Variants in DCTN1 observed in about 807,000 individuals in gnomAD.
DCTN1 encodes 150 kDa dynein-associated polypeptide.
A neutral mutation model predicts 161.2 loss-of-function variants in DCTN1; 61 were observed. The ratio of observed to expected loss-of-function variants is 0.38; its 90% CI spans 0.31 to 0.47. The LOEUF (loss-of-function observed/expected upper bound fraction) is 0.47. DCTN1 is among the 20% of genes least tolerant of loss of function. The pLI is 0.99. For missense variants in DCTN1, 1,404 were observed against 1,623.7 expected (o/e 0.86, Z 2.33); for synonymous variants, 653 against 632.4 (o/e 1.03, Z -0.49).
At chr2:74,367,173 T>G in intron 19 of DCTN1, 66 bp from the exon 20 acceptor site, 1 of 1,595,504 alleles carries the variant, frequency 6.3e-7, no homozygotes. Flanking sequence ...TCAACATCTC[T>G]AAGAAGTCCC....
Position 74,361,574 on chromosome 2 carries a change from A to G in DCTN1, c.3762T>C (p.Ala1254=). 6.2e-7 allele frequency: 1 copy of G among 1,614,140 alleles called. No homozygotes were observed. The highest frequency in any genetic ancestry group is 8.5e-7 in the Non-Finnish European group (1 of 1,180,010). ...YMGKVTFSCA[A]GFGQRHRLVL... ...CCAGCCGGTGTCGCTGTCCAAAACC[A>G]GCCGCACATGAGAAGGTCACTTTGC... Residue 1254 remains alanine (A), a synonymous_variant, in exon 32 of 32, where the codon GCT becomes GCC. Coordinates refer to ENST00000628224, the MANE Select transcript of DCTN1 (RefSeq NM_004082.5).
chr2:74,371,118 C>T lies in DCTN1; in HGVS notation c.704G>A (p.Arg235Lys). Reference sequence around the variant, plus strand: ...TGCTTTGTCTTCTGCCCGTTTCAGTCTCAGGGTCTCTAGTTTCTCCTCCAG... The same window carrying T: ...TGCTTTGTCTTCTGCCCGTTTCAGTTTCAGGGTCTCTAGTTTCTCCTCCAG... ...RDLEEKLETL[R>K]LKRAEDKAKL... Residue 235 changes from arginine to lysine, a missense_variant, in exon 9 of 32, where the codon AGA becomes AAA. By Grantham distance (26) the Arg-to-Lys change is conservative (BLOSUM62 2). This residue lies in a region of DCTN1 where 67 missense variants were observed against 116.3 expected (regional missense o/e 0.58). Transcript: ENST00000628224. 2 of 1,614,196 alleles carry T rather than the reference C, an allele frequency of 1.2e-6. No individual in the cohort carries two copies. Among genetic ancestry groups the T allele is most frequent in the Non-Finnish European group, 1.7e-6 (2 of 1,180,052 alleles).
At chr2:74,363,480 TG>T in intron 27 of DCTN1, 53 bp from the exon 28 acceptor site, 1 of 1,606,678 alleles carries the variant, frequency 6.2e-7, no homozygotes, top group Non-Finnish European at 8.5e-7. Flanking sequence ...GGTTGAAAAT[TG>T]GGCTCCATTC....
chr2:74,370,986 G>A lies in DCTN1; in HGVS notation c.836C>T (p.Ala279Val). ...QADLQRRLKE[A>V]RKEAKEALEA... ...CTTCATCCAGAGTCAAACCTTTCTC[G>A]CCTCCTTGAGGCGCCGCTGCAGGTC... Residue 279 changes from alanine (A) to valine (V), a missense_variant, in exon 9 of 32, where the codon GCG becomes GTG. Around this residue, in one of 9 missense-constraint regions of DCTN1, gnomAD observed 67 missense variants for 116.3 expected, o/e 0.58. Transcript: ENST00000628224. The surrounding 1 kb of genome is among the most constrained non-coding windows in gnomAD (Gnocchi z 4.4). The A allele has an allele frequency of 6.2e-7, 1 of 1,613,840 alleles. No homozygotes were observed. The highest frequency in any genetic ancestry group is 8.5e-7 in the Non-Finnish European group (1 of 1,180,014).
rs372894842 is a variant in DCTN1, at chr2:74,370,114, T to C, written c.1288-45A>G. ...GGGAGAAGGGCTGCTGGAAGGTACC[T>C]AGAAAGAGGAGGCATCAACTGATAG... On this transcript the variant is annotated intron_variant, in intron 12 of 31. Coordinates refer to ENST00000628224, the MANE Select transcript of DCTN1 (RefSeq NM_004082.5). This position sits in a 1 kb window ranked among gnomAD's most constrained non-coding sequence, Gnocchi z 4.4. 28 of 1,614,060 alleles carry C rather than the reference T, an allele frequency of 1.7e-5. No individual in the cohort carries two copies. The African/African-American group carries it at 3.3e-4, about 19-fold the overall frequency.
upstream of DCTN1, chr2:74,383,680 G>A (rs755153446): frequency 1.2e-4 from 19 of 152,194 alleles, no homozygotes; most frequent in Non-Finnish European, 2.2e-4. Flanking sequence ...CCCTGAGAAG[G>A]CCTTGTAATA....
At chr2:74,380,617 T>A, upstream of DCTN1, 1 of 470,104 alleles carries the variant, frequency 2.1e-6, no homozygotes, top group South Asian at 1.6e-5. Flanking sequence ...GGGTCTCTCA[T>A]CTACCTTTCT....
upstream of DCTN1, among the ~76,000 whole-genome samples, chr2:74,384,382 G>T (rs1675640018): frequency 6.6e-6 from 1 of 152,152 alleles, no homozygotes; most frequent in Admixed American, 6.5e-5. Flanking sequence ...CCGGGCCCAG[G>T]CCCATATCCC....
At chr2:74,371,458 A>G in intron 8 of DCTN1, 79 bp downstream of exon 8, 2 of 1,436,736 alleles carry the variant, frequency 1.4e-6, no homozygotes, top group Non-Finnish European at 1.9e-6. Flanking sequence ...TGCCAACCCC[A>G]GGAAATTTTC....
chr2:74,382,384 G>A (rs1449581329), upstream of DCTN1, among the ~76,000 whole-genome samples: 2 of 152,022 alleles, frequency 1.3e-5, no homozygotes, highest in Admixed American at 6.5e-5. Flanking sequence ...TGGCTCACTT[G>A]AGACCAGGAG....
chr2:74,371,806 G>A (rs539590382), intron 7 of DCTN1, 78 bp from the exon 8 acceptor site: 3 of 1,187,998 alleles, frequency 2.5e-6, no homozygotes, highest in Non-Finnish European at 3.7e-6. Flanking sequence ...CAGAATATGA[G>A]AATATGGCAA....
chr2:74,374,251 C>A, intron 6 of DCTN1, 72 bp downstream of exon 6: 1 of 1,492,304 alleles, frequency 6.7e-7, no homozygotes, highest in Non-Finnish European at 9.3e-7. Context: ...TCAGCCCCCA[C>A]CCCCACCCCA....
Position 74,378,011 on chromosome 2 carries a change from G to A in DCTN1, c.268C>T (p.Arg90Cys). The change falls in exon 2 of 32, where the codon CGC becomes TGC. Residue 90 changes from arginine (R) to cysteine (C), a missense_variant. Physicochemically the swap from Arg to Cys is radical, Grantham distance 180. Coordinates refer to ENST00000628224, the MANE Select transcript of DCTN1 (RefSeq NM_004082.5). ...TCDEGHGIFV[R>C]QSQIQVFEDG... is the part of the protein sequence containing the mutation. ...AAGGGCGTGAATACCTGGGACTGGC[G>A]CACAAAGATGCCATGCCCTTCATCA... is the stretch of plus-strand genomic sequence containing the variant. The A allele has an allele frequency of 1.2e-6, 2 of 1,614,176 alleles. No individual in the cohort carries two copies. The highest frequency in any genetic ancestry group is 1.7e-6 in the Non-Finnish European group (2 of 1,180,000).
At chr2:74,387,907 C>G (rs1304017062) in intron 1 of DCTN1, among the ~76,000 whole-genome samples, 2 of 152,186 alleles carry the variant, frequency 1.3e-5, no homozygotes, top group Non-Finnish European at 2.9e-5. Context: ...TGGCCTTGAC[C>G]AAGCACAGTG....
chr2:74,371,394 G>C, intron 8 of DCTN1, 143 bp downstream of exon 8: 1 of 1,245,458 alleles, frequency 8.0e-7, no homozygotes, highest in Non-Finnish European at 1.1e-6. Flanking sequence ...TCAGTCAGTA[G>C]CAAGATATCC....
chr2:74,369,835 AAG>A lies in DCTN1; in HGVS notation c.1392+128_1392+129del. 3.5e-6 allele frequency: 3 copies of A among 846,312 alleles called. No homozygotes were observed. Among genetic ancestry groups the A allele is most frequent in the Non-Finnish European group, 3.7e-6 (2 of 534,548 alleles). The allele number at this position is 846,312 out of a possible 1,614,324, so 52.4% of individuals were successfully genotyped here. ...ATCTCAGAAAAAAAAAAAAAAAAAAAAGGCAGGGTCAGGGTAGCAAGCCCAGG... is the reference window on the plus strand; with the variant it reads ...ATCTCAGAAAAAAAAAAAAAAAAAAAGCAGGGTCAGGGTAGCAAGCCCAGG... On this transcript the variant is annotated intron_variant, in intron 13 of 31. Coordinates refer to ENST00000628224, the MANE Select transcript of DCTN1 (RefSeq NM_004082.5). This position sits in a 1 kb window ranked among gnomAD's most constrained non-coding sequence, Gnocchi z 4.9.
chr2:74,378,334 G>T, intron 1 of DCTN1, 89 bp from the exon 2 acceptor site: 1 of 1,531,970 alleles, frequency 6.5e-7, no homozygotes, highest in Non-Finnish European at 8.9e-7. Flanking sequence ...CCAAGATGCT[G>T]GACTGAAAAA....
rs542984299 is a variant in DCTN1 at position 74,362,042 on chromosome 2, T to TCC, written c.3699+8_3699+9dup. ...CACTGTCCCATCCTCCACCCCATGC[T>TCC]CCCCCTCACCCTGAGGAAGGCTGAT... On this transcript the variant is annotated intron_variant, in intron 31 of 31. Coordinates refer to ENST00000628224, the MANE Select transcript of DCTN1 (RefSeq NM_004082.5). 8 of 1,612,240 alleles carry TCC rather than the reference T, an allele frequency of 5.0e-6. No homozygotes were observed. In the African/African-American group the frequency reaches 8.0e-5, roughly 16 times the overall value.
rs1674097636 is a variant in DCTN1 at position 74,362,678 on chromosome 2, G to A, written c.3581C>T (p.Ser1194Phe). ...QLMEQVAQLK[S>F]LSDTVEKLKD... ...GAGCTTCTCGACGGTGTCACTCAGG[G>A]ACTTAAGCTGAGCCACTTGCTCCAT... is the stretch of plus-strand genomic sequence containing the variant. Residue 1194 changes from serine to phenylalanine, a missense_variant, in exon 30 of 32, where the codon TCC becomes TTC. Physicochemically the swap from Ser to Phe is radical, Grantham distance 155. Transcript: ENST00000628224. 1.2e-6 allele frequency: 2 copies of A among 1,613,876 alleles called. No homozygotes were observed. Among genetic ancestry groups the A allele is most frequent in the Admixed American group, 3.3e-5 (2 of 59,986 alleles).
Sources: gnomAD v4.1 joint callset for allele counts (sites outside exome capture counted in the v4.1 genomes callset) on GRCh38, gnomAD v4.1.1 for gene constraint, gnomAD v4.1.1 regional missense constraint, Gnocchi (gnomAD v3.1) non-coding constraint, MANE v1.5 for transcripts, NCBI Gene and HGNC (gene_info 2026-07-23, HGNC 2026-07-21) for gene names.